Variants in PPP2R2A observed in about 807,000 individuals in gnomAD.
PPP2R2A encodes the protein serine/threonine-protein phosphatase 2A 55 kDa regulatory subunit B alpha isoform.
PPP2R2A carries 9 observed loss-of-function variants against 53.2 expected under a neutral mutation model. The ratio of observed to expected loss-of-function variants is 0.17; its 90% CI spans 0.10 to 0.30. The LOEUF (loss-of-function observed/expected upper bound fraction) is 0.30, where lower values mean the gene tolerates loss of function less well. PPP2R2A is among the 10% of genes least tolerant of loss of function. The pLI is 1.00. For synonymous variants in PPP2R2A, 169 were observed against 174.2 expected (o/e 0.97, Z 0.23); for missense variants, 235 against 534.6 (o/e 0.44, Z 5.53).
chr8:26,359,088 ATCTCTCTGTTCTGTTCC>A (rs1406128276), intron 4 of PPP2R2A: 3 of 364,546 alleles, frequency 8.2e-6, no homozygotes, highest in East Asian at 7.4e-5. Context: ...AAGTCACTTC[ATCTCTCTGTTCTGTTCC>A]TAAAAACCCA....
At position 26,321,175 on chromosome 8, in the gene PPP2R2A, A is replaced by T. The variant is rs1802820559; in HGVS notation, c.83-17715A>T. Among the ~76,000 whole-genome samples the T allele has an allele frequency of 1.3e-5, 2 of 152,216 alleles. No homozygotes were observed. Among genetic ancestry groups the T allele is most frequent in the African/African-American group, 4.8e-5 (2 of 41,442 alleles). ...TCTGTGGTTGTGAAGCGCTAGTAGG[A>T]GTAAGTGACAGGACCTACTTTGAAT... On this transcript the variant is annotated intron_variant, in intron 2 of 9. Transcript: ENST00000380737. This position sits in a 1 kb window ranked among gnomAD's most constrained non-coding sequence, Gnocchi z 4.1.
intron 2 of PPP2R2A, among the ~76,000 whole-genome samples, chr8:26,305,794 C>G (rs1277683659): frequency 1.3e-5 from 2 of 152,120 alleles, no homozygotes; most frequent in East Asian, 3.8e-4. Context: ...TTTCCCTTTT[C>G]TAAGTTGATT....
chr8:26,353,828 G>A lies in PPP2R2A; in HGVS notation c.181-640G>A, dbSNP rs1804638735. ...TAAGGCGAGTAAGCAGTTGTTGATG[G>A]GGGTGCATGGGGCCATTGCTGGGTA... On this transcript the variant is annotated intron_variant, in intron 3 of 9. Transcript: ENST00000380737. Among the ~76,000 whole-genome samples, 3 of 152,166 alleles carry A rather than the reference G, an allele frequency of 2.0e-5. No homozygotes were observed. The South Asian group carries it at 6.2e-4, about 32-fold the overall frequency.
chr8:26,320,737 GTATTAT>G (rs532834257), intron 2 of PPP2R2A, among the ~76,000 whole-genome samples: 2 of 152,104 alleles, frequency 1.3e-5, no homozygotes, highest in African/African-American at 4.8e-5. Context: ...AAGTTTGGTG[GTATTAT>G]TATTATTTTT....
rs1215102507 is a variant in PPP2R2A at position 26,333,479 on chromosome 8, C to T, written c.83-5411C>T. The T allele has an allele frequency of 2.6e-5, 32 of 1,215,616 alleles. No individual in the cohort carries two copies. In the Admixed American group the frequency reaches 7.5e-4, roughly 28 times the overall value. 75.3% of individuals were successfully genotyped at this position (1,215,616 alleles called of 1,614,324 possible). ...ACCCTCTTTGCACTTTGATTAATTT[C>T]TTTCAGATCACTTATTTGAGACATA... On this transcript the variant is annotated intron_variant, in intron 2 of 9. Coordinates refer to ENST00000380737, the MANE Select transcript of PPP2R2A (RefSeq NM_002717.4).
chr8:26,291,810 G>A lies in PPP2R2A; in HGVS notation c.-10G>A. On this transcript the variant is annotated 5_prime_UTR_variant, in exon 1 of 10. Transcript: ENST00000380737. ...GAGGAACCCAGCAGGGTCACCATTT[G>A]CAGCGCAACATGGCAGGTAAAGGAG... 2.5e-6 allele frequency: 4 copies of A among 1,605,526 alleles called. No homozygotes were observed. The highest frequency in any genetic ancestry group is 3.4e-6 in the Non-Finnish European group (4 of 1,176,560).
Position 26,362,045 on chromosome 8 carries a change from G to A in PPP2R2A, c.638-639G>A, listed in dbSNP as rs370194458. On this transcript the variant is annotated intron_variant, in intron 6 of 9. Transcript: ENST00000380737. This position sits in a 1 kb window ranked among gnomAD's most constrained non-coding sequence, Gnocchi z 4.4. The stretch of plus-strand genomic sequence containing the variant: ...AAGATTAGATTAAGATTAATCTTAA[G>A]ATTAGATTAAGATTAATTTTAAGAT... Among the ~76,000 whole-genome samples the A allele has an allele frequency of 1.3e-5, 2 of 149,404 alleles. No homozygotes were observed. Among genetic ancestry groups the A allele is most frequent in the East Asian group, 1.9e-4 (1 of 5,174 alleles).
chr8:26,293,464 T>C, intron 1 of PPP2R2A: 1 of 694,756 alleles, frequency 1.4e-6, no homozygotes, highest in Non-Finnish European at 2.3e-6. Context: ...AAATATTTCG[T>C]ACCTGGAATC....
At position 26,350,015 on chromosome 8, in the gene PPP2R2A, CTT is replaced by C. The variant is rs199719477; in HGVS notation, c.181-4450_181-4449del. Among the ~76,000 whole-genome samples, 957 of 152,150 alleles carry C rather than the reference CTT, an allele frequency of 6.3e-3. 11 individuals carry two copies. Among genetic ancestry groups the C allele is most frequent in the African/African-American group, 0.022 (898 of 41,514 alleles). On this transcript the variant is annotated intron_variant, in intron 3 of 9. Transcript: ENST00000380737. Reference sequence around the variant, plus strand: ...CAGTGCTATGTGTTGTATTATCAGTCTTTTAAAATTTAACACTTTGTGGGTAT... The same window carrying C: ...CAGTGCTATGTGTTGTATTATCAGTCTTAAAATTTAACACTTTGTGGGTAT...
chr8:26,312,302 A>G (rs1184666374), intron 2 of PPP2R2A, among the ~76,000 whole-genome samples: 2 of 152,192 alleles, frequency 1.3e-5, no homozygotes, highest in Non-Finnish European at 2.9e-5. Flanking sequence ...GTGCATGTGA[A>G]TGTCCTGGGA....
intron 4 of PPP2R2A, chr8:26,358,854 A>T (rs1025831764): frequency 2.2e-6 from 1 of 449,564 alleles, no homozygotes; most frequent in Non-Finnish European, 4.5e-6. Flanking sequence ...TCTAAATAAG[A>T]CGTGGATACA....
chr8:26,369,258 A>T (rs1164547146), intron 9 of PPP2R2A, among the ~76,000 whole-genome samples: 1 of 151,918 alleles, frequency 6.6e-6, no homozygotes, highest in Non-Finnish European at 1.5e-5. Flanking sequence ...ACAGAGTCTC[A>T]CTCTGTCACC....
rs10481339 is a variant in PPP2R2A, at chr8:26,358,695, A to G, written c.347-1474A>G. Among the ~76,000 whole-genome samples the G allele has an allele frequency of 3.4e-3, 511 of 152,318 alleles. 1 individual carries two copies. The highest frequency in any genetic ancestry group is 0.012 in the African/African-American group (495 of 41,562). On this transcript the variant is annotated intron_variant, in intron 4 of 9. Coordinates refer to ENST00000380737, the MANE Select transcript of PPP2R2A (RefSeq NM_002717.4). ...ACAATTTTGTTACACCATTTTGCTTATGAAAGATCGTTAGGAATGTATGCT... is the reference window on the plus strand; with the variant it reads ...ACAATTTTGTTACACCATTTTGCTTGTGAAAGATCGTTAGGAATGTATGCT...
At position 26,371,262 on chromosome 8, in the gene PPP2R2A, T is replaced by C. The variant is rs1309528982; in HGVS notation, c.*849T>C. 6.6e-6 allele frequency: 1 copy of C among 152,214 alleles called. No homozygotes were observed. Among genetic ancestry groups the C allele is most frequent in the Non-Finnish European group, 1.5e-5 (1 of 68,046 alleles). 9.4% of individuals were successfully genotyped at this position (152,214 alleles called of 1,614,324 possible). ...TTTGTTAATTATTTTTAACAAGTGT[T>C]CTTTTACATGCAGGAGGAGAGGTAT... On this transcript the variant is annotated 3_prime_UTR_variant, in exon 10 of 10. Transcript: ENST00000380737.
At chr8:26,359,637 G>A (rs1804976664) in intron 4 of PPP2R2A, among the ~76,000 whole-genome samples, 1 of 78,628 alleles carries the variant, frequency 1.3e-5, no homozygotes, top group Non-Finnish European at 2.7e-5. Context: ...CCTGATACAA[G>A]AAGGGGAAAG....
intron 3 of PPP2R2A, among the ~76,000 whole-genome samples, chr8:26,351,659 T>C (rs1804521858): frequency 6.6e-6 from 1 of 152,226 alleles, no homozygotes; most frequent in African/African-American, 2.4e-5. Flanking sequence ...TTCCTATGAA[T>C]AGTCAACCTA....
At chr8:26,331,761 G>C (rs1803389121) in intron 2 of PPP2R2A, among the ~76,000 whole-genome samples, 1 of 152,194 alleles carries the variant, frequency 6.6e-6, no homozygotes, top group East Asian at 1.9e-4. Flanking sequence ...TTGGAATACA[G>C]AATTTTAAGA....
chr8:26,357,286 C>G (rs944675547), intron 4 of PPP2R2A, among the ~76,000 whole-genome samples: 2 of 125,284 alleles, frequency 1.6e-5, no homozygotes, highest in Non-Finnish European at 3.4e-5. Flanking sequence ...TAGTAACACC[C>G]CCCCCCCCCA....
intron 2 of PPP2R2A, among the ~76,000 whole-genome samples, chr8:26,313,704 A>G (rs1026037185): frequency 5.9e-5 from 9 of 152,206 alleles, no homozygotes; most frequent in African/African-American, 2.2e-4. Flanking sequence ...AAATCAAAGG[A>G]GGAAGCAAGA....
Sources: gnomAD v4.1 joint callset for allele counts (sites outside exome capture counted in the v4.1 genomes callset) on GRCh38, gnomAD v4.1.1 for gene constraint, Gnocchi (gnomAD v3.1) non-coding constraint, MANE v1.5 for transcripts, NCBI Gene and HGNC (gene_info 2026-07-23, HGNC 2026-07-21) for gene names.